The following SRGAP3 variants were observed in gnomAD, a reference collection of about 807,000 sequenced individuals.
SRGAP3 encodes SLIT-ROBO Rho GTPase-activating protein 3.
Under a neutral mutation model 121.1 loss-of-function variants are expected in SRGAP3, and 39 were observed. The ratio of observed to expected loss-of-function variants is 0.32; its 90% CI spans 0.25 to 0.42. The LOEUF (loss-of-function observed/expected upper bound fraction) is 0.42, where lower values mean the gene tolerates loss of function less well. Among genes scored for constraint, SRGAP3 ranks in the 10% least tolerant of loss-of-function variants. SRGAP3 has a pLI of 1.00. For synonymous variants in SRGAP3, 601 were observed against 570.0 expected (o/e 1.05, Z -0.77); for missense variants, 1,213 against 1,470.6 (o/e 0.82, Z 2.86).
chr3:9,153,117 C>A (rs1394387444), intron 1 of SRGAP3, among the ~76,000 whole-genome samples: 2 of 152,152 alleles, frequency 1.3e-5, no homozygotes, highest in African/African-American at 2.4e-5. Flanking sequence ...TATATCCTTA[C>A]AATAAACTCT....
chr3:9,245,651 C>T (rs984530421), intron 1 of SRGAP3, among the ~76,000 whole-genome samples: 4 of 152,108 alleles, frequency 2.6e-5, no homozygotes, highest in South Asian at 2.1e-4. Context: ...GGGTCAGGCA[C>T]GGTGGCTCAC....
At chr3:9,143,878 G>A (rs1326894471) in intron 1 of SRGAP3, among the ~76,000 whole-genome samples, 1 of 151,974 alleles carries the variant, frequency 6.6e-6, no homozygotes, top group Admixed American at 6.6e-5. Context: ...CTTCCCCCAT[G>A]CTCCATCCCT....
intron 3 of SRGAP3, among the ~76,000 whole-genome samples, chr3:9,286,824 G>C (rs976337122): frequency 6.6e-6 from 1 of 151,502 alleles, no homozygotes; most frequent in Non-Finnish European, 1.5e-5. Context: ...GGATGGTCTC[G>C]ATCTCCTGAC....
chr3:9,346,832 T>C (rs2125292665), intron 1 of SRGAP3, among the ~76,000 whole-genome samples: 1 of 151,154 alleles, frequency 6.6e-6, no homozygotes, highest in East Asian at 2.0e-4. Flanking sequence ...CCTGGCTCAC[T>C]GCAACCTCTG....
chr3:9,027,646 G>A (rs1380001298), intron 12 of SRGAP3, among the ~76,000 whole-genome samples: 1 of 152,200 alleles, frequency 6.6e-6, no homozygotes, highest in Non-Finnish European at 1.5e-5. Flanking sequence ...TGAAAAAGAT[G>A]CAATTCTCAA....
intron 3 of SRGAP3, chr3:9,292,792 C>A (rs891602457): frequency 1.3e-5 from 2 of 152,058 alleles, no homozygotes; most frequent in African/African-American, 4.8e-5. Flanking sequence ...CTCATAAGCA[C>A]CCCTTCCTTC....
intron 4 of SRGAP3, among the ~76,000 whole-genome samples, chr3:9,075,188 T>G (rs3856900): frequency 0.019 from 2,958 of 152,326 alleles, 100 homozygotes; most frequent in East Asian, 0.13. Context: ...TCTGCCCTTT[T>G]TTTCTCCCAG....
chr3:9,324,644 A>G (rs1575005141), intron 3 of SRGAP3, among the ~76,000 whole-genome samples: 1 of 152,000 alleles, frequency 6.6e-6, no homozygotes, highest in Middle Eastern at 3.4e-3. Context: ...ATGGCCTCTC[A>G]TAATTTTGTT....
intron 7 of SRGAP3, among the ~76,000 whole-genome samples, chr3:9,057,043 A>G (rs2669999): frequency 0.64 from 97,137 of 152,038 alleles, 32,541 homozygotes; most frequent in South Asian, 0.82. Context: ...CACCATGCCC[A>G]GCTATTTTTT....
At chr3:9,311,557 C>T (rs887336407) in intron 3 of SRGAP3, among the ~76,000 whole-genome samples, 3 of 152,332 alleles carry the variant, frequency 2.0e-5, no homozygotes, top group Non-Finnish European at 4.4e-5. Flanking sequence ...CCAATGAATG[C>T]GTGTGGCTGC....
At chr3:9,304,183 G>A (rs142801751) in intron 3 of SRGAP3, among the ~76,000 whole-genome samples, 5 of 152,278 alleles carry the variant, frequency 3.3e-5, no homozygotes, top group Non-Finnish European at 7.4e-5. Flanking sequence ...TAAGAACAGT[G>A]CCTGTGTCCT....
At chr3:9,150,544 C>T (rs549197991) in intron 1 of SRGAP3, among the ~76,000 whole-genome samples, 1 of 152,354 alleles carries the variant, frequency 6.6e-6, no homozygotes, top group African/African-American at 2.4e-5. Context: ...GGGCCCAGGA[C>T]AGCCTCTGAG....
chr3:9,158,236 C>T lies in SRGAP3; in HGVS notation c.68-33319G>A, dbSNP rs548852200. Reference sequence around the variant, plus strand: ...GGGAGGGTTCTGTAGGATACTATTACAGAAGCTGGTTCTTTACAAGGAGGT... The same window carrying T: ...GGGAGGGTTCTGTAGGATACTATTATAGAAGCTGGTTCTTTACAAGGAGGT... On this transcript the variant is annotated intron_variant, in intron 1 of 21. Transcript: ENST00000383836. Among the ~76,000 whole-genome samples, 4 of 152,302 alleles carry T rather than the reference C, an allele frequency of 2.6e-5. No individual in the cohort carries two copies. The East Asian group carries it at 7.7e-4, about 29-fold the overall frequency.
At chr3:9,031,321 G>A (rs1022862118) in intron 12 of SRGAP3, among the ~76,000 whole-genome samples, 7 of 152,168 alleles carry the variant, frequency 4.6e-5, no homozygotes, top group African/African-American at 1.7e-4. Flanking sequence ...GAGGGAGGAT[G>A]GAGACAGAGG....
intron 8 of SRGAP3, among the ~76,000 whole-genome samples, chr3:9,054,116 A>G (rs928351980): frequency 6.6e-6 from 1 of 152,192 alleles, no homozygotes; most frequent in Non-Finnish European, 1.5e-5. Context: ...TTTGTGTTTC[A>G]TAAATGAAAA....
intron 9 of SRGAP3, among the ~76,000 whole-genome samples, chr3:9,050,431 G>A (rs548336941): frequency 1.3e-5 from 2 of 152,306 alleles, no homozygotes; most frequent in African/African-American, 4.8e-5. Context: ...GCTCATCTCT[G>A]TCCGCCTCAT....
chr3:9,286,391 T>C (rs193102102), intron 3 of SRGAP3, among the ~76,000 whole-genome samples: 416 of 152,014 alleles, frequency 2.7e-3, no homozygotes, highest in African/African-American at 9.4e-3. Context: ...CTGGGCACGG[T>C]GGCTCACACC....
intron 4 of SRGAP3, among the ~76,000 whole-genome samples, chr3:9,077,124 C>G (rs1183712769): frequency 1.3e-5 from 2 of 151,262 alleles, no homozygotes; most frequent in African/African-American, 4.9e-5. Flanking sequence ...TCCCCCACCC[C>G]CTCCCCCTCC....
At chr3:9,000,718 T>C (rs533900625) in intron 18 of SRGAP3, among the ~76,000 whole-genome samples, 44 of 152,284 alleles carry the variant, frequency 2.9e-4, no homozygotes, top group African/African-American at 1.0e-3. Context: ...TCAGAACAAA[T>C]ATCAAACATT....
Sources: gnomAD v4.1 joint callset for allele counts (sites outside exome capture counted in the v4.1 genomes callset) on GRCh38, gnomAD v4.1.1 for gene constraint, MANE v1.5 for transcripts, NCBI Gene and HGNC (gene_info 2026-07-23, HGNC 2026-07-21) for gene names.